ARGFX: variants seen among roughly 807,000 people sequenced by gnomAD.
ARGFX encodes the protein arginine-fifty homeobox.
Under a neutral mutation model 8.0 loss-of-function variants are expected in ARGFX, and 10 were observed. The ratio of observed to expected loss-of-function variants is 1.25; its 90% CI spans 0.77 to 2.12. The LOEUF (loss-of-function observed/expected upper bound fraction) is 2.12. ARGFX is among the 30% of genes most tolerant of loss of function. The probability of loss-of-function intolerance (pLI) is 0.00; values close to 1 mark genes in which losing one functional copy is unlikely to be tolerated. For missense variants in ARGFX, 282 were observed against 324.3 expected, an observed-to-expected ratio of 0.87 and a Z score of 1.00; for synonymous variants, 116 against 117.8, an observed-to-expected ratio of 0.98 and a Z score of 0.10.
rs112431334 is a variant in ARGFX, at chr3:121,586,299, C to T, written c.647C>T (p.Ser216Leu). 29 of 1,614,202 alleles carry T rather than the reference C, an allele frequency of 1.8e-5. No individual in the cohort carries two copies. Among genetic ancestry groups the T allele is most frequent in the African/African-American group, 1.3e-4 (10 of 75,048 alleles). Residue 216 changes from serine (S) to leucine (L), a missense_variant, in exon 5 of 5, where the codon TCG becomes TTG. By Grantham distance (145) the Ser-to-Leu change is moderately radical (BLOSUM62 -2). Coordinates refer to ENST00000334384, the MANE Select transcript of ARGFX (RefSeq NM_001012659.2). ...ACTCAGTGGGAGAGGCTGGTGGCCT[C>T]GGTTCCTGCTTTGTACTCTGATGCC... The part of the protein sequence containing the change: ...QDTQWERLVA[S>L]VPALYSDAYD...
Position 121,588,309 on chromosome 3 carries a change from T to TAAAAAA in ARGFX, c.*1710_*1711insAAAAAA, listed in dbSNP as rs2048825154. The stretch of plus-strand genomic sequence containing the variant: ...GGTGAAATCCCGTCTCTACTAAAAA[T>TAAAAAA]ACAAAAAAAAAAAAAAAAAAAAGCC... On this transcript the variant is annotated 3_prime_UTR_variant, in exon 5 of 5. Coordinates refer to ENST00000334384, the MANE Select transcript of ARGFX (RefSeq NM_001012659.2). Among the ~76,000 whole-genome samples the TAAAAAA allele has an allele frequency of 4.6e-5, 1 of 21,832 alleles. No homozygotes were observed. The highest frequency in any genetic ancestry group is 8.8e-5 in the Non-Finnish European group (1 of 11,336). 14.3% of individuals were successfully genotyped at this position (21,832 alleles called of 152,430 possible).
Position 121,588,168 on chromosome 3 carries a change from G to A in ARGFX, c.*1568G>A, listed in dbSNP as rs921738415. ...AAATTAATACCATTTCTGAACACCA[G>A]TAATAAAGAAACATAAGGGCTGGGG... is the stretch of plus-strand genomic sequence containing the variant. On this transcript the variant is annotated 3_prime_UTR_variant, in exon 5 of 5. Coordinates refer to ENST00000334384, the MANE Select transcript of ARGFX (RefSeq NM_001012659.2). Among the ~76,000 whole-genome samples the A allele has an allele frequency of 2.0e-5, 3 of 151,856 alleles. No homozygotes were observed. Among genetic ancestry groups the A allele is most frequent in the African/African-American group, 4.8e-5 (2 of 41,376 alleles).
chr3:121,570,900 T>A (rs2048704586), intron 2 of ARGFX, 84 bp downstream of exon 2: 1 of 919,102 alleles, frequency 1.1e-6, no homozygotes, highest in Non-Finnish European at 1.6e-6. Flanking sequence ...GCATTTGTTT[T>A]AAGGCAGCTA....
At chr3:121,582,450 A>G (rs968353715) in intron 3 of ARGFX, among the ~76,000 whole-genome samples, 2 of 152,252 alleles carry the variant, frequency 1.3e-5, no homozygotes, top group Non-Finnish European at 2.9e-5. Flanking sequence ...GCAGAAAAAA[A>G]TCAATATTTC....
intron 2 of ARGFX, 77 bp from the exon 3 acceptor site, chr3:121,576,707 T>TTTTCTTTCTTTTTCTTTCTTTCTTTC (rs2048738928): frequency 2.0e-5 from 5 of 246,622 alleles, no homozygotes; most frequent in African/African-American, 1.3e-4. Context: ...CTTTCTTTCT[T>TTTTCTTTCTTTTTCTTTCTTTCTTTC]TTTCTTTCTT....
chr3:121,584,907 T>C lies in ARGFX; in HGVS notation c.221-10T>C, dbSNP rs1231393632. On this transcript the variant is annotated splice_polypyrimidine_tract_variant and intron_variant, in intron 3 of 4. Transcript: ENST00000334384. ...AATGTAACCACCCCTTCTTTATCTC[T>C]GCCCTGAAGCAATACGGAGAAGGCA... 3.7e-6 allele frequency: 6 copies of C among 1,607,276 alleles called. No individual in the cohort carries two copies. The highest frequency in any genetic ancestry group is 5.1e-6 in the Non-Finnish European group (6 of 1,177,824).
intron 2 of ARGFX, among the ~76,000 whole-genome samples, chr3:121,571,730 ATTTTTTT>A (rs1173636701): frequency 6.3e-4 from 68 of 107,088 alleles, no homozygotes; most frequent in African/African-American, 2.0e-3. Flanking sequence ...TGCCCGGCAA[ATTTTTTT>A]TTTTTTTTTT....
chr3:121,577,785 G>A (rs2048752684), intron 3 of ARGFX, among the ~76,000 whole-genome samples: 1 of 151,674 alleles, frequency 6.6e-6, no homozygotes, highest in Non-Finnish European at 1.5e-5. Context: ...TATAAAGTAG[G>A]TATTCATTTT....
rs1231620383 is a variant in ARGFX at position 121,587,527 on chromosome 3, G to A, written c.*927G>A. ...AAAAACACTTTTTTTCAAGGAAACC[G>A]AAGAAACCATCATCCACTTTTCTCT... On this transcript the variant is annotated 3_prime_UTR_variant, in exon 5 of 5. Coordinates refer to ENST00000334384, the MANE Select transcript of ARGFX (RefSeq NM_001012659.2). 7.9e-5 allele frequency among the ~76,000 whole-genome samples: 12 copies of A among 152,070 alleles called. No homozygotes were observed. The highest frequency in any genetic ancestry group is 2.2e-4 in the African/African-American group (9 of 41,402).
intron 2 of ARGFX, among the ~76,000 whole-genome samples, chr3:121,571,995 A>AT (rs2048711723): frequency 1.3e-5 from 2 of 149,914 alleles, no homozygotes; most frequent in Non-Finnish European, 3.0e-5. Context: ...TGCCTGGCTA[A>AT]TTTTTTTGTA....
At position 121,568,030 on chromosome 3, in the gene ARGFX, G is replaced by A. The variant is rs139056419; in HGVS notation, c.-13+17G>A. Among the ~76,000 whole-genome samples, 68 of 152,220 alleles carry A rather than the reference G, an allele frequency of 4.5e-4. No homozygotes were observed. Among genetic ancestry groups the A allele is most frequent in the Middle Eastern group, 3.4e-3 (1 of 294 alleles). ...TCGTGACAGGTAAGCATGGGGGAGC[G>A]GGGAGGGTAGCCAGAATGTGGGGCT... On this transcript the variant is annotated intron_variant, in intron 1 of 4. Transcript: ENST00000334384.
Position 121,588,481 on chromosome 3 carries a change from AAAAAAAT to A in ARGFX, c.*1907_*1913del, listed in dbSNP as rs558514315. ...CAACAGAGCAAGACTCTGTCTCAAA[AAAAAAAT>A]AAAAAATAAAAAATAAAAAATAAAA... On this transcript the variant is annotated 3_prime_UTR_variant, in exon 5 of 5. Coordinates refer to ENST00000334384, the MANE Select transcript of ARGFX (RefSeq NM_001012659.2). 0.022 allele frequency among the ~76,000 whole-genome samples: 3,364 copies of A among 150,550 alleles called. 51 individuals carry two copies. Among genetic ancestry groups the A allele is most frequent in the African/African-American group, 0.038 (1,529 of 40,596 alleles).
chr3:121,576,811 G>T lies in ARGFX; in HGVS notation c.131G>T (p.Cys44Phe), dbSNP rs1200809405. The T allele has an allele frequency of 4.7e-6, 2 of 422,508 alleles. No homozygotes were observed. Among genetic ancestry groups the T allele is most frequent in the African/African-American group, 2.2e-5 (1 of 46,116 alleles). 26.2% of individuals were successfully genotyped at this position (422,508 alleles called of 1,614,324 possible). ...TTCACTCTGTTATCCAAGCTGGAGT[G>T]CAGTGGCACGGTCTCGGCTTACTGC... ...PSFTLLSKLE[C>F]SGTVSAYCSL... Residue 44 changes from cysteine (C) to phenylalanine (F), a missense_variant, in exon 3 of 5, where the codon TGC becomes TTC. Transcript: ENST00000334384.
At chr3:121,575,548 C>T (rs987998230) in intron 2 of ARGFX, among the ~76,000 whole-genome samples, 2 of 152,052 alleles carry the variant, frequency 1.3e-5, no homozygotes, top group African/African-American at 4.8e-5. Flanking sequence ...TGAGAGCGAG[C>T]ACAGAAGCAT....
In ARGFX at chr3:121,588,974, A is replaced by G. The variant is rs1413301188; in HGVS notation, c.*2374A>G. Among the ~76,000 whole-genome samples the G allele has an allele frequency of 1.3e-5, 2 of 152,176 alleles. No individual in the cohort carries two copies. The highest frequency in any genetic ancestry group is 2.4e-5 in the African/African-American group (1 of 41,432). ...CTAAATAACCAGTGGTTAAAGAGGT[A>G]ATCACAGTCTGAGCAACATGGCAAA... is the stretch of plus-strand genomic sequence containing the variant. On this transcript the variant is annotated 3_prime_UTR_variant, in exon 5 of 5. Transcript: ENST00000334384.
At chr3:121,573,455 T>A (rs936741270) in intron 2 of ARGFX, among the ~76,000 whole-genome samples, 1 of 150,080 alleles carries the variant, frequency 6.7e-6, no homozygotes, top group African/African-American at 2.5e-5. Flanking sequence ...CCAGCTTGGA[T>A]GACAGAGAGA....
chr3:121,575,675 A>T (rs1038532300), intron 2 of ARGFX, among the ~76,000 whole-genome samples: 1 of 152,122 alleles, frequency 6.6e-6, no homozygotes, highest in African/African-American at 2.4e-5. Flanking sequence ...GCACTTTGGG[A>T]GACCGAGGTG....
At position 121,586,730 on chromosome 3, in the gene ARGFX, G is replaced by T; in HGVS notation, c.*130G>T. 1.2e-6 allele frequency: 1 copy of T among 843,482 alleles called. No homozygotes were observed. Among genetic ancestry groups the T allele is most frequent in the Non-Finnish European group, 1.8e-6 (1 of 559,454 alleles). The allele number at this position is 843,482 out of a possible 1,614,324, so 52.2% of individuals were successfully genotyped here. On this transcript the variant is annotated 3_prime_UTR_variant, in exon 5 of 5. Coordinates refer to ENST00000334384, the MANE Select transcript of ARGFX (RefSeq NM_001012659.2). ...TGTCTCTGATTTCCATGTAAATGTTGCAAAAAGAGTTTTCCAAGTAGAGCT... is the reference window on the plus strand; with the variant it reads ...TGTCTCTGATTTCCATGTAAATGTTTCAAAAAGAGTTTTCCAAGTAGAGCT...
At chr3:121,572,310 C>T (rs915864549) in intron 2 of ARGFX, among the ~76,000 whole-genome samples, 3 of 147,626 alleles carry the variant, frequency 2.0e-5, no homozygotes, top group Non-Finnish European at 3.0e-5. Context: ...GGAGCGATCT[C>T]GGATCACTGC....
Sources: gnomAD v4.1 joint callset for allele counts (sites outside exome capture counted in the v4.1 genomes callset) on GRCh38, gnomAD v4.1.1 for gene constraint, MANE v1.5 for transcripts, NCBI Gene and HGNC (gene_info 2026-07-23, HGNC 2026-07-21) for gene names.